Variants in WDR25 observed in about 807,000 individuals in gnomAD.
The protein encoded by WDR25 is WD repeat-containing protein 25.
In WDR25, 35 loss-of-function variants were observed where a neutral mutation model predicts 47.7. The ratio of observed to expected loss-of-function variants is 0.73; its 90% CI spans 0.56 to 0.97. The LOEUF is 0.97. Among genes scored for constraint, WDR25 ranks in the 50% least tolerant of loss-of-function variants. WDR25 has a pLI of 0.00. For synonymous variants in WDR25, 248 were observed against 278.9 expected, an observed-to-expected ratio of 0.89 and a Z score of 1.10; for missense variants, 634 against 704.7, an observed-to-expected ratio of 0.90 and a Z score of 1.14.
At position 100,525,987 on chromosome 14, in the gene WDR25, A is replaced by G. The variant is rs770184312; in HGVS notation, c.1219A>G (p.Ile407Val). Reference protein sequence around the residue: ...ASTRDSADRTIIAWDFRTSAK... With the variant: ...ASTRDSADRTVIAWDFRTSAK... ...CACCCGGGACTCAGCTGACCGCACC[A>G]TTATTGCCTGGGATTTCCGGACCTC... Residue 407 changes from isoleucine (I) to valine (V), a missense_variant, in exon 5 of 7, where the codon ATT becomes GTT. Ile to Val is a conservative substitution (Grantham distance 29). Transcript: ENST00000402312. This position sits in a 1 kb window ranked among gnomAD's most constrained non-coding sequence, Gnocchi z 4.6. The G allele has an allele frequency of 1.2e-6, 2 of 1,614,074 alleles. No individual in the cohort carries two copies. Among genetic ancestry groups the G allele is most frequent in the Non-Finnish European group, 1.7e-6 (2 of 1,179,980 alleles).
chr14:100,468,319 C>T lies in WDR25; in HGVS notation c.970+151C>T. ...GGCTCGTGCTCGGTGAGAGGGCTTCCAGACTGCTTGCCCATTGGAACTGCG... is the reference window on the plus strand; with the variant it reads ...GGCTCGTGCTCGGTGAGAGGGCTTCTAGACTGCTTGCCCATTGGAACTGCG... On this transcript the variant is annotated intron_variant, in intron 3 of 6. Transcript: ENST00000402312. The surrounding 1 kb of genome is among the most constrained non-coding windows in gnomAD (Gnocchi z 4.5). 1 of 1,195,358 alleles carries T rather than the reference C, an allele frequency of 8.4e-7. No individual in the cohort carries two copies. Among genetic ancestry groups the T allele is most frequent in the Non-Finnish European group, 1.1e-6 (1 of 872,672 alleles). 74.0% of individuals were successfully genotyped at this position (1,195,358 alleles called of 1,614,324 possible). A position where few individuals can be genotyped will look rare whatever the true frequency, so the allele number is the denominator to read the frequency against.
intron 4 of WDR25, among the ~76,000 whole-genome samples, chr14:100,521,214 A>G (rs1233034176): frequency 6.6e-6 from 1 of 152,060 alleles, no homozygotes; most frequent in Non-Finnish European, 1.5e-5. Flanking sequence ...AGAGAGAGAG[A>G]GAGACAGAGA....
Position 100,425,518 on chromosome 14 carries a change from C to T in WDR25, c.823-42503C>T, listed in dbSNP as rs115611908. 2.5e-3 allele frequency among the ~76,000 whole-genome samples: 378 copies of T among 152,254 alleles called. 1 individual carries two copies. Among genetic ancestry groups the T allele is most frequent in the African/African-American group, 8.8e-3 (366 of 41,552 alleles). On this transcript the variant is annotated intron_variant, in intron 2 of 6. Coordinates refer to ENST00000402312, the MANE Select transcript of WDR25 (RefSeq NM_001161476.3). The surrounding 1 kb of genome is among the most constrained non-coding windows in gnomAD (Gnocchi z 4.8). ...AAATATGTTTGATGGGGAAAGATACCCGGGACAGAACCCGACTTTTGCACG... is the reference window on the plus strand; with the variant it reads ...AAATATGTTTGATGGGGAAAGATACTCGGGACAGAACCCGACTTTTGCACG...
Position 100,468,237 on chromosome 14 carries a change from G to T in WDR25, c.970+69G>T. ...CTCCCTGGGGAAGGTTCTCTGGTGG[G>T]CACGCAGCCACAAGCTGTATACGCT... On this transcript the variant is annotated intron_variant, in intron 3 of 6. Coordinates refer to ENST00000402312, the MANE Select transcript of WDR25 (RefSeq NM_001161476.3). This position sits in a 1 kb window ranked among gnomAD's most constrained non-coding sequence, Gnocchi z 4.5. 1 of 1,559,420 alleles carries T rather than the reference G, an allele frequency of 6.4e-7. No homozygotes were observed. Among genetic ancestry groups the T allele is most frequent in the South Asian group, 1.2e-5 (1 of 83,862 alleles).
intron 2 of WDR25, among the ~76,000 whole-genome samples, chr14:100,462,063 A>G (rs536686088): frequency 6.6e-6 from 1 of 152,054 alleles, no homozygotes; most frequent in South Asian, 2.1e-4. Context: ...TATTTTTTGT[A>G]ACCAAAAACG....
intron 1 of WDR25, among the ~76,000 whole-genome samples, chr14:100,378,410 G>A (rs971755078): frequency 2.6e-5 from 4 of 152,018 alleles, no homozygotes; most frequent in East Asian, 3.9e-4. Flanking sequence ...CAGGTGATCC[G>A]CCCACCTCGG....
In WDR25 at chr14:100,468,228, C is replaced by A; in HGVS notation, c.970+60C>A. 2 of 1,570,026 alleles carry A rather than the reference C, an allele frequency of 1.3e-6. No individual in the cohort carries two copies. Among genetic ancestry groups the A allele is most frequent in the Non-Finnish European group, 1.7e-6 (2 of 1,158,898 alleles). On this transcript the variant is annotated intron_variant, in intron 3 of 6. Transcript: ENST00000402312. This position sits in a 1 kb window ranked among gnomAD's most constrained non-coding sequence, Gnocchi z 4.5. ...GGCAGCTCTCTCCCTGGGGAAGGTTCTCTGGTGGGCACGCAGCCACAAGCT... is the reference window on the plus strand; with the variant it reads ...GGCAGCTCTCTCCCTGGGGAAGGTTATCTGGTGGGCACGCAGCCACAAGCT...
intron 4 of WDR25, among the ~76,000 whole-genome samples, chr14:100,486,383 A>C (rs1900383882): frequency 1.3e-5 from 2 of 152,184 alleles, no homozygotes; most frequent in African/African-American, 2.4e-5. Context: ...TGTTGCTGTG[A>C]CTGGTGTTGG....
At chr14:100,390,651 C>CT (rs892586502) in intron 2 of WDR25, among the ~76,000 whole-genome samples, 2 of 152,214 alleles carry the variant, frequency 1.3e-5, no homozygotes, top group African/African-American at 2.4e-5. Flanking sequence ...GTCAAGGTCT[C>CT]TGTGTTTAGT....
Position 100,523,362 on chromosome 14 carries a change from C to G in WDR25, c.1102-2508C>G, listed in dbSNP as rs2029953517. Among the ~76,000 whole-genome samples, 1 of 152,156 alleles carries G rather than the reference C, an allele frequency of 6.6e-6. No homozygotes were observed. Among genetic ancestry groups the G allele is most frequent in the Non-Finnish European group, 1.5e-5 (1 of 68,018 alleles). On this transcript the variant is annotated intron_variant, in intron 4 of 6. Transcript: ENST00000402312. This position sits in a 1 kb window ranked among gnomAD's most constrained non-coding sequence, Gnocchi z 4.7. ...CACAGGGTTGCGTGTGAGCCCAGAG[C>G]AGTGCCTCCCCACCCCCTGTCCTTC...
In WDR25 at chr14:100,468,064, C is replaced by A. The variant is rs762801190; in HGVS notation, c.866C>A (p.Ser289Tyr). The stretch of plus-strand genomic sequence containing the variant: ...TCCGGGCACTGCCTGCAGACCTACT[C>A]CCTGCACACAGAGGCAGTGCGGGCC... ...VDSGHCLQTYSLHTEAVRAAR... is the reference protein window; with the variant it reads ...VDSGHCLQTYYLHTEAVRAAR... The change falls in exon 3 of 7, where the codon TCC becomes TAC. Residue 289 changes from serine to tyrosine, a missense_variant. Physicochemically the swap from Ser to Tyr is moderately radical, Grantham distance 144. Transcript: ENST00000402312. This position sits in a 1 kb window ranked among gnomAD's most constrained non-coding sequence, Gnocchi z 4.5. 6.2e-7 allele frequency: 1 copy of A among 1,613,558 alleles called. No individual in the cohort carries two copies. Among genetic ancestry groups the A allele is most frequent in the Admixed American group, 1.7e-5 (1 of 60,026 alleles).
chr14:100,451,616 A>C (rs774753168), intron 2 of WDR25, among the ~76,000 whole-genome samples: 18 of 152,302 alleles, frequency 1.2e-4, no homozygotes, highest in South Asian at 8.3e-4. Flanking sequence ...TGACATTCAG[A>C]GCCTCAGGCC....
intron 4 of WDR25, among the ~76,000 whole-genome samples, chr14:100,524,221 G>T (rs1566948732): frequency 6.6e-6 from 1 of 152,078 alleles, no homozygotes; most frequent in Non-Finnish European, 1.5e-5. Flanking sequence ...TCCTGGGCAA[G>T]TTGCCTGTCT....
At position 100,526,030 on chromosome 14, in the gene WDR25, A is replaced by C; in HGVS notation, c.1262A>C (p.Gln421Pro). Reference protein sequence around the residue: ...DFRTSAKISNQIFHERFTCPS... With the variant: ...DFRTSAKISNPIFHERFTCPS... Reference sequence around the variant, plus strand: ...CGGACCTCTGCCAAAATCTCCAACCAGATTTTCCACGTAAGAAATCCCATT... The same window carrying C: ...CGGACCTCTGCCAAAATCTCCAACCCGATTTTCCACGTAAGAAATCCCATT... The change falls in exon 5 of 7, where the codon CAG (glutamine) becomes CCG (proline). Residue 421 changes from glutamine to proline, a missense_variant. Coordinates refer to ENST00000402312, the MANE Select transcript of WDR25 (RefSeq NM_001161476.3). The C allele has an allele frequency of 6.2e-7, 1 of 1,614,052 alleles. No homozygotes were observed. Among genetic ancestry groups the C allele is most frequent in the Non-Finnish European group, 8.5e-7 (1 of 1,179,968 alleles).
chr14:100,524,039 C>T (rs1358186500), intron 4 of WDR25, among the ~76,000 whole-genome samples: 2 of 152,090 alleles, frequency 1.3e-5, no homozygotes, highest in African/African-American at 2.4e-5. Flanking sequence ...TGGCAGGGAT[C>T]GCCCATAACA....
chr14:100,524,841 C>G (rs2030036354), intron 4 of WDR25, among the ~76,000 whole-genome samples: 1 of 152,232 alleles, frequency 6.6e-6, no homozygotes, highest in Admixed American at 6.5e-5. Context: ...TCCTCCTCCT[C>G]TAACCTAAAC....
intron 2 of WDR25, among the ~76,000 whole-genome samples, chr14:100,431,083 T>C (rs1898319085): frequency 1.3e-5 from 2 of 152,196 alleles, no homozygotes; most frequent in Admixed American, 1.3e-4. Flanking sequence ...AATCTATCAC[T>C]CTCTTTGGCC....
Position 100,515,048 on chromosome 14 carries a change from C to G in WDR25, c.1102-10822C>G, listed in dbSNP as rs80322314. On this transcript the variant is annotated intron_variant, in intron 4 of 6. Coordinates refer to ENST00000402312, the MANE Select transcript of WDR25 (RefSeq NM_001161476.3). ...GTCACTCAATTGTCACTAGTTTGCTCTGTTTCCAATGAGAAGTCTGCTGTA... is the reference window on the plus strand; with the variant it reads ...GTCACTCAATTGTCACTAGTTTGCTGTGTTTCCAATGAGAAGTCTGCTGTA... Among the ~76,000 whole-genome samples, 80 of 152,256 alleles carry G rather than the reference C, an allele frequency of 5.3e-4. 1 individual carries two copies. The East Asian group carries it at 0.013, about 24-fold the overall frequency.
At chr14:100,423,720 T>G (rs757283309) in intron 2 of WDR25, among the ~76,000 whole-genome samples, 7 of 152,188 alleles carry the variant, frequency 4.6e-5, no homozygotes, top group Non-Finnish European at 8.8e-5. Flanking sequence ...TGGAGAACAT[T>G]ATCTTCTCTG....
Sources: gnomAD v4.1 joint callset for allele counts (sites outside exome capture counted in the v4.1 genomes callset) on GRCh38, gnomAD v4.1.1 for gene constraint, Gnocchi (gnomAD v3.1) non-coding constraint, MANE v1.5 for transcripts, NCBI Gene and HGNC (gene_info 2026-07-23, HGNC 2026-07-21) for gene names.